The following FAT4 variants were observed in gnomAD, a reference collection of about 807,000 sequenced individuals.
FAT4 encodes protocadherin Fat 4.
Under a neutral mutation model 303.9 loss-of-function variants are expected in FAT4, and 84 were observed. That is an observed-to-expected ratio of 0.28 (90% CI 0.23 to 0.33). The LOEUF is 0.33. FAT4 is among the 10% of genes least tolerant of loss of function. The pLI, the probability that FAT4 is intolerant of heterozygous loss-of-function variation, is 1.00. For synonymous variants in FAT4, 2,307 were observed against 2,298.8 expected (o/e 1.00, Z -0.10); for missense variants, 6,005 against 6,146.8 (o/e 0.98, Z 0.77).
intron 2 of FAT4, among the ~76,000 whole-genome samples, chr4:125,385,071 G>C (rs1733690363): frequency 6.9e-6 from 1 of 144,072 alleles, no homozygotes; most frequent in Admixed American, 7.1e-5. Context: ...GCCCAGGCTG[G>C]AGTGCAATGG....
Position 125,481,560 on chromosome 4 carries a change from G to T in FAT4, c.12644G>T (p.Gly4215Val). 1 of 1,614,016 alleles carries T rather than the reference G, an allele frequency of 6.2e-7. No individual in the cohort carries two copies. Among genetic ancestry groups the T allele is most frequent in the African/African-American group, 1.3e-5 (1 of 75,030 alleles). ...PDTALSLEGKGRLDYHMSQNE... is the reference protein window; with the variant it reads ...PDTALSLEGKVRLDYHMSQNE... ...ACTGCCTTATCATTAGAAGGCAAAGGGCGCTTGGACTACCACATGAGTCAG... is the reference window on the plus strand; with the variant it reads ...ACTGCCTTATCATTAGAAGGCAAAGTGCGCTTGGACTACCACATGAGTCAG... Residue 4215 changes from glycine to valine, a missense_variant, in exon 16 of 18, where the codon GGG becomes GTG. Coordinates refer to ENST00000394329, the MANE Select transcript of FAT4 (RefSeq NM_001291303.3).
Position 125,321,103 on chromosome 4 carries a change from G to A in FAT4, c.4692G>A (p.Glu1564=). Residue 1564 remains glutamate, a synonymous_variant, in exon 2 of 18, where the codon GAG becomes GAA. Coordinates refer to ENST00000394329, the MANE Select transcript of FAT4 (RefSeq NM_001291303.3). ...DPDEGANGEI[E]YEIINGDTDT... is the part of the protein sequence containing the mutation. ...ATGAAGGTGCTAATGGAGAAATAGA[G>A]TATGAGATCATCAATGGGGACACAG... 3.7e-6 allele frequency: 6 copies of A among 1,614,186 alleles called. No homozygotes were observed. The highest frequency in any genetic ancestry group is 5.1e-6 in the Non-Finnish European group (6 of 1,180,022).
intron 7 of FAT4, among the ~76,000 whole-genome samples, chr4:125,424,556 CAGTG>C (rs1207401712): frequency 6.6e-6 from 1 of 152,120 alleles, no homozygotes; most frequent in Non-Finnish European, 1.5e-5. Context: ...TTAACACAGT[CAGTG>C]AGACTATTAT....
At chr4:125,406,396 T>G (rs1734608493) in intron 3 of FAT4, among the ~76,000 whole-genome samples, 1 of 152,200 alleles carries the variant, frequency 6.6e-6, no homozygotes, top group Non-Finnish European at 1.5e-5. Flanking sequence ...TTCATTACTG[T>G]AACTTTGTAG....
In FAT4 at chr4:125,317,293, C is replaced by T. The variant is rs1160843111; in HGVS notation, c.882C>T (p.Thr294=). 1 of 1,595,488 alleles carries T rather than the reference C, an allele frequency of 6.3e-7. No homozygotes were observed. The change falls in exon 2 of 18, where the codon ACC becomes ACT. Residue 294 remains threonine (T), a synonymous_variant. Transcript: ENST00000394329. The surrounding 1 kb of genome is among the most constrained non-coding windows in gnomAD (Gnocchi z 7.0). ...DIRYRLQDEG[T]PFQMDPETGL... Reference sequence around the variant, plus strand: ...GCTATCGCCTGCAGGACGAGGGGACCCCCTTCCAAATGGACCCTGAGACGG... The same window carrying T: ...GCTATCGCCTGCAGGACGAGGGGACTCCCTTCCAAATGGACCCTGAGACGG...
At position 125,319,400 on chromosome 4, in the gene FAT4, G is replaced by T; in HGVS notation, c.2989G>T (p.Asp997Tyr). The change falls in exon 2 of 18, where the codon GAC becomes TAC. Residue 997 changes from aspartate (D) to tyrosine (Y), a missense_variant. Physicochemically the swap from Asp to Tyr is radical, Grantham distance 160 (BLOSUM62 -3). Coordinates refer to ENST00000394329, the MANE Select transcript of FAT4 (RefSeq NM_001291303.3). ...TGTAAATGACAATTCACCAGTGTTT[G>T]ACCAACTCTCTTATGAAGTCACCCT... Reference protein sequence around the residue: ...HDVNDNSPVFDQLSYEVTLSE... With the variant: ...HDVNDNSPVFYQLSYEVTLSE... 7 of 1,613,348 alleles carry T rather than the reference G, an allele frequency of 4.3e-6. No individual in the cohort carries two copies. The highest frequency in any genetic ancestry group is 5.9e-6 in the Non-Finnish European group (7 of 1,179,864).
chr4:125,418,863 T>A lies in FAT4; in HGVS notation c.7018+2241T>A, dbSNP rs146739955. Among the ~76,000 whole-genome samples the A allele has an allele frequency of 8.5e-3, 1,255 of 147,872 alleles. 25 individuals carry two copies. Among genetic ancestry groups the A allele is most frequent in the African/African-American group, 0.03 (1,204 of 39,966 alleles). On this transcript the variant is annotated intron_variant, in intron 7 of 17. Coordinates refer to ENST00000394329, the MANE Select transcript of FAT4 (RefSeq NM_001291303.3). ...CATTCTACTCCTAAGTAGCCTTTCT[T>A]ACAAGAGTTTGCCTTACCATTTTCT...
intron 11 of FAT4, among the ~76,000 whole-genome samples, chr4:125,466,685 A>C (rs1325285182): frequency 2.0e-5 from 3 of 150,782 alleles, no homozygotes; most frequent in African/African-American, 7.3e-5. Context: ...TATATGACAT[A>C]ACATATATAT....
intron 2 of FAT4, among the ~76,000 whole-genome samples, chr4:125,374,630 A>T (rs902418816): frequency 6.6e-6 from 1 of 152,202 alleles, no homozygotes; most frequent in Non-Finnish European, 1.5e-5. Flanking sequence ...TGTCCCACGT[A>T]TATTCACAGA....
chr4:125,344,021 AGAGAGCCT>A (rs1356372398), intron 2 of FAT4, among the ~76,000 whole-genome samples: 3 of 152,108 alleles, frequency 2.0e-5, no homozygotes, highest in African/African-American at 7.2e-5. Context: ...GTATTAGGAG[AGAGAGCCT>A]TTATTGCTAG....
Position 125,320,416 on chromosome 4 carries a change from C to G in FAT4, c.4005C>G (p.Ser1335=). 1 of 1,613,880 alleles carries G rather than the reference C, an allele frequency of 6.2e-7. No individual in the cohort carries two copies. Among genetic ancestry groups the G allele is most frequent in the Non-Finnish European group, 8.5e-7 (1 of 1,179,836 alleles). Reference sequence around the variant, plus strand: ...ACATGAGAATTGGTGAACTCGTGTCCTCTGTTACTGCAACTGATTCCGATT... The same window carrying G: ...ACATGAGAATTGGTGAACTCGTGTCGTCTGTTACTGCAACTGATTCCGATT... ...LENMRIGELV[S]SVTATDSDSG... is the part of the protein sequence containing the mutation. Residue 1335 remains serine, a synonymous_variant, in exon 2 of 18, where the codon TCC becomes TCG. Coordinates refer to ENST00000394329, the MANE Select transcript of FAT4 (RefSeq NM_001291303.3).
chr4:125,375,240 G>A (rs1358667785), intron 2 of FAT4, among the ~76,000 whole-genome samples: 1 of 152,166 alleles, frequency 6.6e-6, no homozygotes, highest in Non-Finnish European at 1.5e-5. Flanking sequence ...ACTCTAAATT[G>A]TAAGTAAGAA....
At chr4:125,339,349 C>T (rs1731688569) in intron 2 of FAT4, among the ~76,000 whole-genome samples, 1 of 151,996 alleles carries the variant, frequency 6.6e-6, no homozygotes, top group African/African-American at 2.4e-5. Context: ...GCTCATGCCA[C>T]CACGCCTGGC....
chr4:125,451,619 C>A lies in FAT4; in HGVS notation c.10609C>A (p.Pro3537Thr), dbSNP rs745634200. Residue 3537 changes from proline to threonine, a missense_variant, in exon 10 of 18, where the codon CCT (proline) becomes ACT (threonine). Pro to Thr is a conservative substitution (Grantham distance 38). Coordinates refer to ENST00000394329, the MANE Select transcript of FAT4 (RefSeq NM_001291303.3). ...GGTGATGACCCTTCAGTCCACTGAC[C>A]CTGATCTCCCTCCAAATCAAGGTCC... is the stretch of plus-strand genomic sequence containing the variant. The part of the protein sequence containing the change: ...TLVMTLQSTD[P>T]DLPPNQGPFT... 7 of 1,613,938 alleles carry A rather than the reference C, an allele frequency of 4.3e-6. No homozygotes were observed. The highest frequency in any genetic ancestry group is 4.0e-5 in the African/African-American group (3 of 74,884).
At chr4:125,356,537 GTTTTGTT>G (rs1732430339) in intron 2 of FAT4, among the ~76,000 whole-genome samples, 1 of 118,730 alleles carries the variant, frequency 8.4e-6, no homozygotes, top group South Asian at 2.8e-4. Flanking sequence ...GATATAGGGT[GTTTTGTT>G]TTTTGTTTTT....
intron 15 of FAT4, 36 bp from the exon 16 acceptor site, chr4:125,481,485 A>G: frequency 2.5e-6 from 4 of 1,572,406 alleles, no homozygotes; most frequent in Non-Finnish European, 3.5e-6. Context: ...TGCCAAATGA[A>G]TGCATTCATT....
intron 2 of FAT4, among the ~76,000 whole-genome samples, chr4:125,379,654 T>A (rs1213436323): frequency 1.3e-5 from 2 of 151,820 alleles, no homozygotes; most frequent in African/African-American, 4.8e-5. Flanking sequence ...GAGACATGGT[T>A]TCACCATGTT....
chr4:125,328,911 A>G (rs2125955123), intron 2 of FAT4, among the ~76,000 whole-genome samples: 1 of 152,344 alleles, frequency 6.6e-6, no homozygotes, highest in South Asian at 2.1e-4. Flanking sequence ...ATACATTTGT[A>G]GACATAATTC....
At chr4:125,475,045 G>A (rs1198989308) in intron 12 of FAT4, among the ~76,000 whole-genome samples, 2 of 151,992 alleles carry the variant, frequency 1.3e-5, no homozygotes, top group African/African-American at 4.8e-5. Flanking sequence ...CCCTGTCTGT[G>A]GCATTCGTAA....
Sources: allele counts gnomAD v4.1 joint callset (sites outside exome capture counted in the v4.1 genomes callset), GRCh38; gene constraint gnomAD v4.1.1; non-coding constraint Gnocchi (gnomAD v3.1); transcripts MANE v1.5; gene names NCBI Gene and HGNC (gene_info 2026-07-23, HGNC 2026-07-21).